SPTLC3: variants seen among roughly 807,000 people sequenced by gnomAD.
SPTLC3 encodes the protein serine palmitoyltransferase long chain base subunit 3.
In SPTLC3, 36 loss-of-function variants were observed where a neutral mutation model predicts 59.3. The ratio of observed to expected loss-of-function variants is 0.61; its 90% CI spans 0.47 to 0.80. The LOEUF (loss-of-function observed/expected upper bound fraction) is 0.80, where lower values mean the gene tolerates loss of function less well. SPTLC3 is among the 30% of genes least tolerant of loss of function. SPTLC3 has a pLI of 0.00. For missense variants in SPTLC3, 625 were observed against 685.1 expected (o/e 0.91, Z 0.98); for synonymous variants, 257 against 240.8 (o/e 1.07, Z -0.62).
intron 8 of SPTLC3, among the ~76,000 whole-genome samples, chr20:13,120,375 A>G (rs1990833423): frequency 6.6e-6 from 1 of 152,234 alleles, no homozygotes; most frequent in Non-Finnish European, 1.5e-5. Context: ...AAGTTAAAGT[A>G]CACACATTCA....
At chr20:13,083,939 T>C (rs1190012337) in intron 4 of SPTLC3, among the ~76,000 whole-genome samples, 2 of 152,164 alleles carry the variant, frequency 1.3e-5, no homozygotes, top group Non-Finnish European at 2.9e-5. Context: ...GGAGTCTATG[T>C]TGAGGATAGA....
intron 6 of SPTLC3, among the ~76,000 whole-genome samples, chr20:13,097,740 T>C (rs1399960706): frequency 6.6e-6 from 1 of 152,134 alleles, no homozygotes; most frequent in Non-Finnish European, 1.5e-5. Flanking sequence ...ATTAGGAATG[T>C]TCTATTTTTA....
At chr20:13,089,615 G>A (rs532019851) in intron 4 of SPTLC3, among the ~76,000 whole-genome samples, 6 of 151,784 alleles carry the variant, frequency 4.0e-5, no homozygotes, top group African/African-American at 1.2e-4. Context: ...GTGAAACCTC[G>A]TCTCTACTAA....
chr20:13,033,563 GTCT>G (rs1174815891), intron 1 of SPTLC3, among the ~76,000 whole-genome samples: 6 of 152,148 alleles, frequency 3.9e-5, no homozygotes, highest in Non-Finnish European at 8.8e-5. Flanking sequence ...GGCCACATTT[GTCT>G]TCAAGGGATG....
At chr20:13,015,207 T>C (rs1985465475) in intron 1 of SPTLC3, among the ~76,000 whole-genome samples, 2 of 152,132 alleles carry the variant, frequency 1.3e-5, no homozygotes, top group Non-Finnish European at 2.9e-5. Context: ...AGAAAAGGGA[T>C]ATATCAAGGG....
chr20:13,089,795 A>C (rs531713870), intron 4 of SPTLC3, among the ~76,000 whole-genome samples: 241 of 148,020 alleles, frequency 1.6e-3, no homozygotes, highest in African/African-American at 5.8e-3. Context: ...CAAAAAAAAA[A>C]AAAAAAAAAC....
intron 2 of SPTLC3, chr20:13,050,996 C>T (rs947599558): frequency 3.9e-5 from 6 of 152,018 alleles, no homozygotes; most frequent in African/African-American, 9.7e-5. Flanking sequence ...TATTAAAAAA[C>T]ACACACACAC....
chr20:13,150,460 T>C lies in SPTLC3; in HGVS notation c.1280-3543T>C, dbSNP rs11907920. On this transcript the variant is annotated intron_variant, in intron 9 of 11. Transcript: ENST00000399002. ...TGGGGATTTTGAAAGGAATATGAACTAAGAAACCATACTTGGAACTGCCTA... is the reference window on the plus strand; with the variant it reads ...TGGGGATTTTGAAAGGAATATGAACCAAGAAACCATACTTGGAACTGCCTA... Among the ~76,000 whole-genome samples the C allele has an allele frequency of 4.4e-3, 675 of 152,330 alleles. 2 individuals are homozygous for C. Among genetic ancestry groups the C allele is most frequent in the Middle Eastern group, 0.014 (4 of 294 alleles).
chr20:13,084,445 C>T (rs963091909), intron 4 of SPTLC3, among the ~76,000 whole-genome samples: 1 of 152,192 alleles, frequency 6.6e-6, no homozygotes, highest in African/African-American at 2.4e-5. Context: ...TGGAGTCAGA[C>T]ATGCTGATTT....
At chr20:13,035,805 T>A (rs6041783) in intron 1 of SPTLC3, among the ~76,000 whole-genome samples, 20,256 of 152,206 alleles carry the variant, frequency 0.13, 1,953 homozygotes, top group African/African-American at 0.28. Flanking sequence ...TTTGTATTTA[T>A]AAAATACATG....
rs571617464 is a variant in SPTLC3 at position 13,033,740 on chromosome 20, G to A, written c.118-15205G>A. ...TTTTATTTTCTGTTCTTTCATTAAT[G>A]AACAGAAAATATTTATTAAGTGACT... On this transcript the variant is annotated intron_variant, in intron 1 of 11. Transcript: ENST00000399002. Among the ~76,000 whole-genome samples, 574 of 152,216 alleles carry A rather than the reference G, an allele frequency of 3.8e-3. 6 individuals carry two copies. The highest frequency in any genetic ancestry group is 0.013 in the African/African-American group (535 of 41,542).
At chr20:13,021,769 G>A (rs796126028) in intron 1 of SPTLC3, among the ~76,000 whole-genome samples, 117 of 152,218 alleles carry the variant, frequency 7.7e-4, no homozygotes, top group African/African-American at 2.7e-3. Flanking sequence ...CCAAACTAAC[G>A]AGCAGCACCC....
intron 1 of SPTLC3, 24 bp downstream of exon 1, chr20:13,009,408 T>C: frequency 6.4e-7 from 1 of 1,572,360 alleles, no homozygotes; most frequent in Non-Finnish European, 8.8e-7. Flanking sequence ...TCCCCTACTC[T>C]TCTCTGAATT....
intron 9 of SPTLC3, 92 bp downstream of exon 9, chr20:13,126,809 C>G (rs2038004871): frequency 2.7e-6 from 4 of 1,465,340 alleles, no homozygotes; most frequent in Non-Finnish European, 3.6e-6. Context: ...ACACCTTTAT[C>G]TTATAGAACC....
intron 1 of SPTLC3, among the ~76,000 whole-genome samples, chr20:13,012,156 C>G (rs528561561): frequency 3.9e-5 from 6 of 152,010 alleles, no homozygotes; most frequent in Non-Finnish European, 5.9e-5. Context: ...TTGCATTTTC[C>G]CAGAAGTAGT....
chr20:13,104,948 A>T (rs1473742743), intron 6 of SPTLC3, among the ~76,000 whole-genome samples: 1 of 152,092 alleles, frequency 6.6e-6, no homozygotes, highest in Non-Finnish European at 1.5e-5. Flanking sequence ...CCTACTTCTC[A>T]GAGGTGTCAT....
chr20:13,105,300 C>T (rs1332894152), intron 6 of SPTLC3, among the ~76,000 whole-genome samples: 2 of 152,040 alleles, frequency 1.3e-5, no homozygotes, highest in African/African-American at 4.8e-5. Flanking sequence ...TTTCCTTCTG[C>T]TCAAGAATCC....
intron 1 of SPTLC3, among the ~76,000 whole-genome samples, chr20:13,030,469 T>A (rs1365996312): frequency 6.6e-6 from 1 of 152,244 alleles, no homozygotes; most frequent in African/African-American, 2.4e-5. Context: ...GAACCATGCC[T>A]GATCAGGCTA....
At chr20:13,130,264 C>T (rs1480797500) in intron 9 of SPTLC3, among the ~76,000 whole-genome samples, 1 of 152,126 alleles carries the variant, frequency 6.6e-6, no homozygotes, top group Non-Finnish European at 1.5e-5. Flanking sequence ...GTAAAGTTGC[C>T]CAGAGCTCAA....
Sources: allele counts gnomAD v4.1 joint callset (sites outside exome capture counted in the v4.1 genomes callset), GRCh38; gene constraint gnomAD v4.1.1; transcripts MANE v1.5; gene names NCBI Gene and HGNC (gene_info 2026-07-23, HGNC 2026-07-21).